SOX5: variants seen among roughly 807,000 people sequenced by gnomAD.
SOX5 encodes SRY-box transcription factor 5.
In SOX5, 9 loss-of-function variants were observed where a neutral mutation model predicts 92.0. That is an observed-to-expected ratio of 0.10 (90% confidence interval 0.06 to 0.17). The LOEUF is 0.17. SOX5 is among the 10% of genes least tolerant of loss of function. The pLI, the probability that SOX5 is intolerant of heterozygous loss-of-function variation, is 1.00. For synonymous variants in SOX5, 344 were observed against 336.3 expected (o/e 1.02, Z -0.25); for missense variants, 642 against 944.5 (o/e 0.68, Z 4.20).
chr12:24,180,822 T>C (rs1955412656), intron 4 of SOX5, among the ~76,000 whole-genome samples: 1 of 152,202 alleles, frequency 6.6e-6, no homozygotes. Context: ...ACTATTTTCA[T>C]ATAGGAAAAA....
At chr12:24,546,209 G>A (rs1413144923) in intron 1 of SOX5, among the ~76,000 whole-genome samples, 1 of 152,142 alleles carries the variant, frequency 6.6e-6, no homozygotes, top group Non-Finnish European at 1.5e-5. Flanking sequence ...GGGGATGTGT[G>A]CTCTAACAAT....
chr12:24,093,338 G>A (rs1028231967), intron 4 of SOX5, among the ~76,000 whole-genome samples: 7 of 151,846 alleles, frequency 4.6e-5, no homozygotes, highest in East Asian at 1.9e-4. Flanking sequence ...TGGCTAACAC[G>A]GTGAAACCCC....
intron 1 of SOX5, among the ~76,000 whole-genome samples, chr12:23,906,822 T>C (rs1320028937): frequency 1.3e-5 from 2 of 152,122 alleles, no homozygotes; most frequent in East Asian, 1.9e-4. Flanking sequence ...CGAGGAATAG[T>C]GTGCTTCCGG....
chr12:23,598,881 C>T lies in SOX5; in HGVS notation c.1164+5506G>A, dbSNP rs575439404. On this transcript the variant is annotated intron_variant, in intron 9 of 14. Transcript: ENST00000451604. ...CAAATTACCAAAAATGCTTTCATTTCCCAAATCTCCTGTGAGAACTAATTC... is the reference window on the plus strand; with the variant it reads ...CAAATTACCAAAAATGCTTTCATTTTCCAAATCTCCTGTGAGAACTAATTC... Among the ~76,000 whole-genome samples the T allele has an allele frequency of 3.9e-5, 6 of 152,246 alleles. No individual in the cohort carries two copies. In the South Asian group the frequency reaches 1.2e-3, roughly 32 times the overall value.
intron 9 of SOX5, among the ~76,000 whole-genome samples, chr12:23,583,432 G>A (rs537119120): frequency 3.9e-5 from 6 of 152,186 alleles, no homozygotes; most frequent in Admixed American, 2.0e-4. Flanking sequence ...GGAAGAATGC[G>A]AGGAATACTC....
intron 1 of SOX5, among the ~76,000 whole-genome samples, chr12:24,401,458 C>T (rs143278624): frequency 2.6e-5 from 4 of 151,606 alleles, no homozygotes; most frequent in African/African-American, 9.7e-5. Flanking sequence ...ACCTGTAATC[C>T]CAGAGCTTTG....
intron 3 of SOX5, among the ~76,000 whole-genome samples, chr12:24,239,524 C>T (rs1383609187): frequency 4.6e-5 from 7 of 152,100 alleles, no homozygotes; most frequent in South Asian, 2.1e-4. Flanking sequence ...GGGGAGAGAA[C>T]ATTAAAGGCA....
chr12:23,922,658 CAT>C (rs565902078), intron 1 of SOX5, among the ~76,000 whole-genome samples: 12 of 152,150 alleles, frequency 7.9e-5, no homozygotes, highest in African/African-American at 2.7e-4. Context: ...TTATATGTAA[CAT>C]GTGTCATATA....
intron 5 of SOX5, among the ~76,000 whole-genome samples, chr12:23,738,224 A>T (rs1327242351): frequency 1.3e-5 from 2 of 152,222 alleles, no homozygotes; most frequent in Admixed American, 6.5e-5. Context: ...CAGAAGTATT[A>T]GAATACATAG....
chr12:23,717,322 A>T lies in SOX5; in HGVS notation c.810+17362T>A, dbSNP rs565615558. On this transcript the variant is annotated intron_variant, in intron 6 of 14. Coordinates refer to ENST00000451604, the MANE Select transcript of SOX5 (RefSeq NM_006940.6). ...TATTCCAGTTGTGTTGGTTACACAC[A>T]TTGCAATGAATTGTGACTTTATTCA... Among the ~76,000 whole-genome samples, 8 of 152,320 alleles carry T rather than the reference A, an allele frequency of 5.3e-5. No homozygotes were observed. The South Asian group carries it at 1.4e-3, about 28-fold the overall frequency.
Position 24,247,842 on chromosome 12 carries a change from C to T in SOX5, c.-77+29374G>A, listed in dbSNP as rs576028779. Reference sequence around the variant, plus strand: ...ATTTTTTTTGTATTTTTAGTAGAGACGGGGTTTCACCATGTTGCCCAGGCT... The same window carrying T: ...ATTTTTTTTGTATTTTTAGTAGAGATGGGGTTTCACCATGTTGCCCAGGCT... On this transcript the variant is annotated intron_variant, in intron 3 of 4. Coordinates refer to the SOX5 transcript ENST00000446891. Among the ~76,000 whole-genome samples, 201 of 151,652 alleles carry T rather than the reference C, an allele frequency of 1.3e-3. 2 individuals are homozygous for T. The highest frequency in any genetic ancestry group is 4.1e-3 in the African/African-American group (168 of 41,398).
Position 23,536,599 on chromosome 12 carries a change from C to T in SOX5, c.1842G>A (p.Lys614=). Residue 614 remains lysine (K), a synonymous_variant, in exon 14 of 15, where the codon AAG becomes AAA. Coordinates refer to ENST00000451604, the MANE Select transcript of SOX5 (RefSeq NM_006940.6). ...AGTCAGGGTACTTCTCCAGGTGCTG[C>T]TTGCTGAGACGGGCTTGCTCCTCAT... ...PYYEEQARLS[K]QHLEKYPDYK... is the part of the protein sequence containing the mutation. The T allele has an allele frequency of 6.2e-7, 1 of 1,614,172 alleles. No homozygotes were observed. Among genetic ancestry groups the T allele is most frequent in the Non-Finnish European group, 8.5e-7 (1 of 1,180,008 alleles).
intron 4 of SOX5, among the ~76,000 whole-genome samples, chr12:24,043,188 G>T (rs1956679571): frequency 1.3e-5 from 2 of 152,228 alleles, no homozygotes; most frequent in South Asian, 2.1e-4. Context: ...TTTGTTTAAA[G>T]GAAACATCCT....
intron 2 of SOX5, among the ~76,000 whole-genome samples, chr12:23,853,974 T>C (rs1428209429): frequency 6.6e-6 from 1 of 152,184 alleles, no homozygotes; most frequent in Non-Finnish European, 1.5e-5. Flanking sequence ...AACTAGCCAC[T>C]GATTAGATAT....
intron 6 of SOX5, among the ~76,000 whole-genome samples, chr12:23,696,711 A>AAT (rs2089927215): frequency 6.6e-6 from 1 of 152,118 alleles, no homozygotes; most frequent in South Asian, 2.1e-4. Flanking sequence ...CCACTTTTCC[A>AAT]ATATATATAC....
chr12:24,539,709 A>C (rs945551180), intron 1 of SOX5, among the ~76,000 whole-genome samples: 1 of 152,108 alleles, frequency 6.6e-6, no homozygotes, highest in African/African-American at 2.4e-5. Context: ...AATTTCCTAC[A>C]TATTTAAGAA....
intron 1 of SOX5, among the ~76,000 whole-genome samples, chr12:24,440,372 C>A (rs890024857): frequency 6.6e-6 from 1 of 152,116 alleles, no homozygotes; most frequent in Non-Finnish European, 1.5e-5. Flanking sequence ...ATAATTGACT[C>A]CCTTCCACAG....
chr12:24,553,762 T>C (rs767908974), intron 1 of SOX5, among the ~76,000 whole-genome samples: 3 of 152,166 alleles, frequency 2.0e-5, no homozygotes, highest in African/African-American at 4.8e-5. Context: ...CAAGGAGTGA[T>C]AGGTAAAAGG....
intron 1 of SOX5, among the ~76,000 whole-genome samples, chr12:23,905,608 T>G (rs1300640096): frequency 6.6e-6 from 1 of 152,132 alleles, no homozygotes; most frequent in Non-Finnish European, 1.5e-5. Context: ...TTAATTAAAC[T>G]CCACTGAAAT....
Sources: gnomAD v4.1 joint callset for allele counts (sites outside exome capture counted in the v4.1 genomes callset) on GRCh38, gnomAD v4.1.1 for gene constraint, MANE v1.5 for transcripts, NCBI Gene and HGNC (gene_info 2026-07-23, HGNC 2026-07-21) for gene names.